ADGRV1: variants seen among roughly 807,000 people sequenced by gnomAD.
ADGRV1 encodes G-protein coupled receptor 98.
In ADGRV1, 359 loss-of-function variants were observed where a neutral mutation model predicts 596.2. The ratio of observed to expected loss-of-function variants is 0.60; its 90% CI spans 0.55 to 0.66. The LOEUF (loss-of-function observed/expected upper bound fraction) is 0.66. Ranked by LOEUF, ADGRV1 falls within the 30% of genes least tolerant of loss-of-function variation. The pLI is 0.00. For synonymous variants in ADGRV1, 2,681 were observed against 2,679.2 expected (o/e 1.00, Z -0.02); for missense variants, 7,274 against 7,575.6 (o/e 0.96, Z 1.48).
At chr5:90,673,999 T>G (rs1772871758) in intron 22 of ADGRV1, 55 bp from the exon 23 acceptor site, 1 of 1,291,144 alleles carries the variant, frequency 7.7e-7, no homozygotes, top group African/African-American at 1.5e-5. Flanking sequence ...TTTCTTCTAG[T>G]AAGTAATTTC....
intron 85 of ADGRV1, among the ~76,000 whole-genome samples, chr5:91,009,312 C>T (rs1020277081): frequency 3.9e-5 from 6 of 152,030 alleles, no homozygotes; most frequent in Non-Finnish European, 5.9e-5. Flanking sequence ...GGGATTTCCT[C>T]GGATAAAAAC....
intron 59 of ADGRV1, among the ~76,000 whole-genome samples, chr5:90,766,161 G>A (rs1279343520): frequency 2.6e-5 from 4 of 152,000 alleles, no homozygotes; most frequent in East Asian, 1.9e-4. Flanking sequence ...CGCCCGCCTT[G>A]GCCTCCCAAA....
chr5:90,843,531 G>A (rs1765611186), intron 78 of ADGRV1, among the ~76,000 whole-genome samples: 1 of 152,156 alleles, frequency 6.6e-6, no homozygotes, highest in Non-Finnish European at 1.5e-5. Context: ...AAATATTTCA[G>A]TGAAAAACTG....
At chr5:91,139,181 A>G (rs143027993) in intron 87 of ADGRV1, among the ~76,000 whole-genome samples, 25 of 152,360 alleles carry the variant, frequency 1.6e-4, no homozygotes, top group African/African-American at 4.3e-4. Flanking sequence ...CGTGGACTAT[A>G]TCATTGTCTT....
chr5:90,769,115 C>G (rs748951174), intron 59 of ADGRV1, among the ~76,000 whole-genome samples: 6 of 152,080 alleles, frequency 3.9e-5, no homozygotes, highest in Non-Finnish European at 7.4e-5. Context: ...TGCAAAGGAG[C>G]CTGTCAGATG....
At position 90,815,703 on chromosome 5, in the gene ADGRV1, G is replaced by C. The variant is rs1206214257; in HGVS notation, c.16163G>C (p.Arg5388Thr). ...LELREGAVMR[R>T]LHLIVTRQPN... is the part of the protein sequence containing the mutation. ...CTCAGGGAAGGAGCTGTTATGAGAAGATTGCACCTTATTGTCACAAGACAG... is the reference window on the plus strand; with the variant it reads ...CTCAGGGAAGGAGCTGTTATGAGAACATTGCACCTTATTGTCACAAGACAG... Residue 5388 changes from arginine (R) to threonine (T), a missense_variant, in exon 75 of 90, where the codon AGA becomes ACA. Coordinates refer to ENST00000405460, the MANE Select transcript of ADGRV1 (RefSeq NM_032119.4). 1 of 1,569,888 alleles carries C rather than the reference G, an allele frequency of 6.4e-7. No individual in the cohort carries two copies. Among genetic ancestry groups the C allele is most frequent in the East Asian group, 2.3e-5 (1 of 43,050 alleles).
chr5:91,076,676 C>T (rs889040122), intron 86 of ADGRV1, among the ~76,000 whole-genome samples: 1 of 152,010 alleles, frequency 6.6e-6, no homozygotes, highest in African/African-American at 2.4e-5. Flanking sequence ...ATTATTAGGA[C>T]TATTTTTATA....
intron 83 of ADGRV1, among the ~76,000 whole-genome samples, chr5:90,873,981 C>T (rs1768964891): frequency 6.6e-6 from 1 of 152,096 alleles, no homozygotes; most frequent in Admixed American, 6.5e-5. Flanking sequence ...TAACCTGACC[C>T]CTTTCTCCAT....
Position 90,745,079 on chromosome 5 carries a change from C to T in ADGRV1, c.10583C>T (p.Ala3528Val). Residue 3528 changes from alanine (A) to valine (V), a missense_variant, in exon 51 of 90, where the codon GCT becomes GTT. Transcript: ENST00000405460. ...CTTCTTATTGGCCAAGATATGTCTG[C>T]TCTTTACTGCTGGAATTCGGAGCGT... is the stretch of plus-strand genomic sequence containing the variant. The part of the protein sequence containing the change: ...HILLIGQDMS[A>V]LYCWNSERNQ... 3 of 1,613,718 alleles carry T rather than the reference C, an allele frequency of 1.9e-6. No individual in the cohort carries two copies. Among genetic ancestry groups the T allele is most frequent in the South Asian group, 2.2e-5 (2 of 91,070 alleles).
At chr5:90,744,479 C>G (rs1000084103) in intron 50 of ADGRV1, among the ~76,000 whole-genome samples, 3 of 151,948 alleles carry the variant, frequency 2.0e-5, no homozygotes, top group African/African-American at 7.3e-5. Context: ...TAACAAATAT[C>G]AAATGTAGGG....
chr5:91,098,701 CA>C (rs1180694856), intron 86 of ADGRV1, among the ~76,000 whole-genome samples: 1 of 151,298 alleles, frequency 6.6e-6, no homozygotes, highest in Non-Finnish European at 1.5e-5. Context: ...AAATATAAGC[CA>C]TGGACATTCT....
intron 31 of ADGRV1, among the ~76,000 whole-genome samples, chr5:90,691,768 TTTCATTCA>T (rs552910711): frequency 2.6e-5 from 4 of 152,142 alleles, no homozygotes; most frequent in African/African-American, 9.7e-5. Context: ...TATTGTGGTT[TTTCATTCA>T]TTCATTCATT....
At chr5:91,049,725 A>G (rs535828346) in intron 85 of ADGRV1, among the ~76,000 whole-genome samples, 5 of 152,368 alleles carry the variant, frequency 3.3e-5, no homozygotes, top group African/African-American at 1.2e-4. Context: ...TATAAAGCTC[A>G]CATAACCAGT....
chr5:90,691,059 T>C lies in ADGRV1; in HGVS notation c.6951+18T>C, dbSNP rs1202158619. 1 of 1,613,526 alleles carries C rather than the reference T, an allele frequency of 6.2e-7. No individual in the cohort carries two copies. ...TTGAAGAGGTGAGAGGACTGGCTAG[T>C]ATAGAATGACACTGTAAATCATACC... On this transcript the variant is annotated intron_variant, in intron 31 of 89. Coordinates refer to ENST00000405460, the MANE Select transcript of ADGRV1 (RefSeq NM_032119.4).
intron 1 of ADGRV1, among the ~76,000 whole-genome samples, chr5:90,608,286 G>A (rs1188500789): frequency 2.0e-5 from 3 of 152,128 alleles, no homozygotes; most frequent in Non-Finnish European, 4.4e-5. Flanking sequence ...AACTTTGTCC[G>A]TTTGAAGGTT....
chr5:90,882,378 C>T (rs1769878215), intron 83 of ADGRV1, among the ~76,000 whole-genome samples: 1 of 152,140 alleles, frequency 6.6e-6, no homozygotes, highest in Admixed American at 6.6e-5. Context: ...ATGTCTTTTA[C>T]CTTTTTAATT....
intron 34 of ADGRV1, among the ~76,000 whole-genome samples, chr5:90,698,072 A>G (rs542589948): frequency 2.0e-5 from 3 of 152,278 alleles, no homozygotes; most frequent in East Asian, 1.9e-4. Flanking sequence ...TTATTTATCC[A>G]TGCAAATATT....
At chr5:90,861,917 C>T (rs1355478100) in intron 82 of ADGRV1, among the ~76,000 whole-genome samples, 1 of 152,050 alleles carries the variant, frequency 6.6e-6, no homozygotes, top group East Asian at 1.9e-4. Context: ...GAGGTTTTAT[C>T]AATATTATTC....
chr5:90,910,784 A>G (rs76028990), intron 83 of ADGRV1, among the ~76,000 whole-genome samples: 2,560 of 152,184 alleles, frequency 0.017, 83 homozygotes, highest in African/African-American at 0.058. Context: ...ATAACAAGAA[A>G]CTGAAAACTG....
Sources: allele counts gnomAD v4.1 joint callset (sites outside exome capture counted in the v4.1 genomes callset), GRCh38; gene constraint gnomAD v4.1.1; transcripts MANE v1.5; gene names NCBI Gene and HGNC (gene_info 2026-07-23, HGNC 2026-07-21).